The following MCU variants were observed in gnomAD, a reference collection of about 807,000 sequenced individuals.
MCU encodes the protein calcium uniporter protein, mitochondrial.
In MCU, 12 loss-of-function variants were observed where a neutral mutation model predicts 45.2. That is an observed-to-expected ratio of 0.27 (90% CI 0.17 to 0.43). The LOEUF (loss-of-function observed/expected upper bound fraction) is 0.43. Among genes scored for constraint, MCU ranks in the 20% least tolerant of loss-of-function variants. The pLI is 1.00. For missense variants in MCU, 324 were observed against 436.7 expected (o/e 0.74, Z 2.30); for synonymous variants, 160 against 165.1 (o/e 0.97, Z 0.24).
At chr10:72,775,820 G>A (rs961584638) in intron 1 of MCU, among the ~76,000 whole-genome samples, 2 of 152,072 alleles carry the variant, frequency 1.3e-5, no homozygotes, top group African/African-American at 2.4e-5. Context: ...ATTGAACCAC[G>A]AAGAAATGTA....
intron 1 of MCU, among the ~76,000 whole-genome samples, chr10:72,830,129 C>T (rs1355784856): frequency 6.6e-6 from 1 of 152,144 alleles, no homozygotes; most frequent in Admixed American, 6.5e-5. Context: ...TCAACTCTTG[C>T]AGCTATATAC....
At chr10:72,751,299 A>G (rs1038560645) in intron 1 of MCU, among the ~76,000 whole-genome samples, 3 of 134,242 alleles carry the variant, frequency 2.2e-5, no homozygotes, top group South Asian at 2.6e-4. Flanking sequence ...CACCGCACCC[A>G]GCCTCAAATG....
chr10:72,877,544 A>G (rs541886095), intron 6 of MCU, among the ~76,000 whole-genome samples: 2 of 152,226 alleles, frequency 1.3e-5, no homozygotes, highest in South Asian at 4.2e-4. Context: ...CTCTGGTTCT[A>G]GTTGTGGCAT....
chr10:72,788,467 A>G (rs1844109982), intron 1 of MCU, among the ~76,000 whole-genome samples: 2 of 152,246 alleles, frequency 1.3e-5, no homozygotes, highest in Non-Finnish European at 2.9e-5. Flanking sequence ...TCTACAAAAA[A>G]TTAAGAAACA....
Position 72,826,185 on chromosome 10 carries a change from A to G in MCU, c.151-8174A>G, listed in dbSNP as rs148035627. On this transcript the variant is annotated intron_variant, in intron 1 of 7. Transcript: ENST00000373053. ...GTCAGAGGTGGGGTTAGAGGTTAGAATCGACATTCTAACAAGCTCCCAGGT... is the reference window on the plus strand; with the variant it reads ...GTCAGAGGTGGGGTTAGAGGTTAGAGTCGACATTCTAACAAGCTCCCAGGT... Among the ~76,000 whole-genome samples, 317 of 152,308 alleles carry G rather than the reference A, an allele frequency of 2.1e-3. 3 individuals are homozygous for G. The highest frequency in any genetic ancestry group is 7.4e-3 in the African/African-American group (306 of 41,566).
chr10:72,864,251 G>A (rs893927985), intron 4 of MCU, among the ~76,000 whole-genome samples: 5 of 152,108 alleles, frequency 3.3e-5, no homozygotes, highest in Non-Finnish European at 1.5e-5. Flanking sequence ...GTCTATTGCA[G>A]TAAAAATTGA....
At chr10:72,778,565 AC>A (rs1244673960) in intron 1 of MCU, among the ~76,000 whole-genome samples, 1 of 152,154 alleles carries the variant, frequency 6.6e-6, no homozygotes, top group East Asian at 1.9e-4. Context: ...TGGGTAGAGG[AC>A]AAAAGAATAT....
chr10:72,763,764 A>AACC (rs1843687629), intron 1 of MCU, among the ~76,000 whole-genome samples: 2 of 152,176 alleles, frequency 1.3e-5, no homozygotes, highest in Non-Finnish European at 2.9e-5. Flanking sequence ...AGAGACTGAA[A>AACC]AGGCTTTTAC....
intron 2 of MCU, among the ~76,000 whole-genome samples, chr10:72,842,143 T>C (rs573798191): frequency 2.0e-5 from 3 of 152,296 alleles, no homozygotes; most frequent in South Asian, 2.1e-4. Flanking sequence ...CTGGGCGTGG[T>C]GGCGCACACC....
intron 2 of MCU, among the ~76,000 whole-genome samples, chr10:72,848,999 G>A (rs1589494724): frequency 6.6e-6 from 1 of 151,938 alleles, no homozygotes; most frequent in South Asian, 2.1e-4. Context: ...AGAATGAAAG[G>A]GCCGGGGTTG....
chr10:72,847,496 A>T (rs1845141039), intron 2 of MCU, among the ~76,000 whole-genome samples: 1 of 152,196 alleles, frequency 6.6e-6, no homozygotes, highest in African/African-American at 2.4e-5. Context: ...CAACTTTATC[A>T]TAGGTATGTA....
intron 1 of MCU, among the ~76,000 whole-genome samples, chr10:72,804,478 T>G (rs1365336481): frequency 1.3e-5 from 2 of 152,188 alleles, no homozygotes; most frequent in Non-Finnish European, 2.9e-5. Context: ...CCTGATACAC[T>G]TCTATAATAC....
At chr10:72,725,465 A>G (rs1486683441) in intron 1 of MCU, among the ~76,000 whole-genome samples, 1 of 152,014 alleles carries the variant, frequency 6.6e-6, no homozygotes, top group African/African-American at 2.4e-5. Context: ...ATGGAGATGG[A>G]GTCCCACTAT....
At chr10:72,759,398 G>A (rs1342412472) in intron 1 of MCU, among the ~76,000 whole-genome samples, 4 of 152,126 alleles carry the variant, frequency 2.6e-5, no homozygotes, top group African/African-American at 9.7e-5. Flanking sequence ...AACCGATTAG[G>A]TCGGGGTCAG....
chr10:72,724,346 T>C (rs951524687), intron 1 of MCU, among the ~76,000 whole-genome samples: 1 of 152,224 alleles, frequency 6.6e-6, no homozygotes, highest in Non-Finnish European at 1.5e-5. Flanking sequence ...ATAAGTGAAG[T>C]GAGATTCTTT....
intron 1 of MCU, among the ~76,000 whole-genome samples, chr10:72,741,728 A>G (rs1412061961): frequency 6.6e-6 from 1 of 152,162 alleles, no homozygotes. Context: ...ATAGTCATGC[A>G]CTGCAAAACG....
intron 1 of MCU, among the ~76,000 whole-genome samples, chr10:72,780,120 A>G (rs902788242): frequency 6.6e-6 from 1 of 152,212 alleles, no homozygotes; most frequent in Non-Finnish European, 1.5e-5. Flanking sequence ...AAATACCGAC[A>G]CATACTATAA....
chr10:72,782,785 A>G (rs982004235), intron 1 of MCU, among the ~76,000 whole-genome samples: 1 of 152,210 alleles, frequency 6.6e-6, no homozygotes, highest in Non-Finnish European at 1.5e-5. Context: ...AGTTTCTTGC[A>G]TATAGGGCTT....
intron 1 of MCU, among the ~76,000 whole-genome samples, chr10:72,740,108 A>C (rs1843305803): frequency 6.7e-6 from 1 of 149,844 alleles, no homozygotes; most frequent in African/African-American, 2.4e-5. Flanking sequence ...ATCACCGGGC[A>C]CGGTGGCTCA....
Sources: gnomAD v4.1 joint callset for allele counts (sites outside exome capture counted in the v4.1 genomes callset) on GRCh38, gnomAD v4.1.1 for gene constraint, MANE v1.5 for transcripts, NCBI Gene and HGNC (gene_info 2026-07-23, HGNC 2026-07-21) for gene names.